CHRM5: variants seen among roughly 807,000 people sequenced by gnomAD.
CHRM5 encodes the protein cholinergic receptor muscarinic 5.
A neutral mutation model predicts 39.0 loss-of-function variants in CHRM5; 18 were observed. That is an observed-to-expected ratio of 0.46 (90% CI 0.32 to 0.68). The LOEUF is 0.68. CHRM5 is among the 30% of genes least tolerant of loss of function. The pLI, the probability that CHRM5 is intolerant of heterozygous loss-of-function variation, is 0.04. For synonymous variants in CHRM5, 241 were observed against 246.3 expected (o/e 0.98, Z 0.20); for missense variants, 515 against 651.1 (o/e 0.79, Z 2.28).
rs1428175381 is a variant in CHRM5 at position 34,065,113 on chromosome 15, A to C, written c.*797A>C. 1 of 164,542 alleles carries C rather than the reference A, an allele frequency of 6.1e-6. No individual in the cohort carries two copies. The allele number at this position is 164,542 out of a possible 1,614,324, so 10.2% of individuals were successfully genotyped here. A position where few individuals can be genotyped will look rare whatever the true frequency, so the allele number is the denominator to read the frequency against. On this transcript the variant is annotated 3_prime_UTR_variant, in exon 3 of 3. Coordinates refer to ENST00000383263, the MANE Select transcript of CHRM5 (RefSeq NM_012125.4). ...ACAGTCAGTTATTTTAGTTTTTGCC[A>C]GTGGAAATTTTTTCTTTTATCTAAA...
chr15:34,057,138 T>G (rs1389116252), intron 2 of CHRM5, among the ~76,000 whole-genome samples: 1 of 51,730 alleles, frequency 1.9e-5, no homozygotes, highest in Non-Finnish European at 9.8e-5. Context: ...TTTGGTTTTT[T>G]TTGGTTTTTT....
In CHRM5 at chr15:34,063,522, G is replaced by A; in HGVS notation, c.805G>A (p.Ala269Thr). 6.2e-7 allele frequency: 1 copy of A among 1,613,674 alleles called. No individual in the cohort carries two copies. The highest frequency in any genetic ancestry group is 8.5e-7 in the Non-Finnish European group (1 of 1,180,026). Residue 269 changes from alanine (A) to threonine (T), a missense_variant, in exon 3 of 3, where the codon GCC becomes ACC. Physicochemically the swap from Ala to Thr is moderately conservative, Grantham distance 58. Transcript: ENST00000383263. The surrounding 1 kb of genome is among the most constrained non-coding windows in gnomAD (Gnocchi z 4.1). ...CCTGGCCCAGCGGGAAAGGAACCAGGCCTCCTGGTCATCCTCCCGCAGGAG... is the reference window on the plus strand; with the variant it reads ...CCTGGCCCAGCGGGAAAGGAACCAGACCTCCTGGTCATCCTCCCGCAGGAG... ...PTLAQRERNQ[A>T]SWSSSRRSTS...
At chr15:34,020,433 A>G (rs1490427852) in intron 1 of CHRM5, among the ~76,000 whole-genome samples, 2 of 152,232 alleles carry the variant, frequency 1.3e-5, no homozygotes, top group Non-Finnish European at 2.9e-5. Context: ...GCAAATTAGA[A>G]ATTTGGTTGA....
chr15:34,063,586 CAA>C lies in CHRM5; in HGVS notation c.870_871del (p.Ser291ArgfsTer7). The stretch of plus-strand genomic sequence containing the variant: ...GGGAAGCCATCCCAAGCCACTGGCC[CAA>C]GCGCCAATTGGGCCAAAGCTGAGCA... On this transcript the variant is annotated frameshift_variant, in exon 3 of 3. Coordinates refer to ENST00000383263, the MANE Select transcript of CHRM5 (RefSeq NM_012125.4). LOFTEE classifies it high-confidence loss of function. This position sits in a 1 kb window ranked among gnomAD's most constrained non-coding sequence, Gnocchi z 4.1. The C allele has an allele frequency of 1.2e-6, 2 of 1,613,846 alleles. No homozygotes were observed. The highest frequency in any genetic ancestry group is 1.7e-6 in the Non-Finnish European group (2 of 1,180,024).
chr15:34,044,145 T>A (rs1899594405), intron 1 of CHRM5, among the ~76,000 whole-genome samples: 1 of 151,928 alleles, frequency 6.6e-6, no homozygotes, highest in African/African-American at 2.4e-5. Context: ...AACTTCTGCA[T>A]CATTTCTCTA....
At chr15:34,041,947 T>C (rs1899492518) in intron 1 of CHRM5, among the ~76,000 whole-genome samples, 1 of 152,220 alleles carries the variant, frequency 6.6e-6, no homozygotes, top group Admixed American at 6.5e-5. Context: ...ATCTGTTCAT[T>C]CAAGGCGTAT....
At chr15:33,992,325 G>C (rs981560205) in intron 1 of CHRM5, among the ~76,000 whole-genome samples, 1 of 151,932 alleles carries the variant, frequency 6.6e-6, no homozygotes, top group African/African-American at 2.4e-5. Context: ...GGGGGGCGGA[G>C]CTTGCAGTGA....
At chr15:33,988,502 A>G (rs559209198) in intron 1 of CHRM5, among the ~76,000 whole-genome samples, 1 of 152,330 alleles carries the variant, frequency 6.6e-6, no homozygotes, top group South Asian at 2.1e-4. Flanking sequence ...CGTGTAACAC[A>G]TCTCACACAC....
intron 1 of CHRM5, among the ~76,000 whole-genome samples, chr15:33,989,422 T>C (rs8042524): frequency 0.22 from 32,984 of 151,192 alleles, 4,080 homozygotes; most frequent in Middle Eastern, 0.41. Flanking sequence ...GGAGGTATTA[T>C]TTCTAACAGC....
chr15:34,019,164 A>G (rs1283319272), intron 1 of CHRM5, among the ~76,000 whole-genome samples: 1 of 152,234 alleles, frequency 6.6e-6, no homozygotes, highest in Non-Finnish European at 1.5e-5. Flanking sequence ...CAACCCAGTA[A>G]GTCCAGCTGG....
chr15:34,005,118 T>C (rs1814964874), intron 1 of CHRM5, among the ~76,000 whole-genome samples: 1 of 152,120 alleles, frequency 6.6e-6, no homozygotes, highest in African/African-American at 2.4e-5. Context: ...TACACATACT[T>C]CCAGATCTTT....
At chr15:33,970,212 C>T (rs1402755270) in intron 1 of CHRM5, among the ~76,000 whole-genome samples, 2 of 151,924 alleles carry the variant, frequency 1.3e-5, no homozygotes, top group African/African-American at 2.4e-5. Flanking sequence ...TAGAAATTCT[C>T]TTCCATTTCA....
intron 2 of CHRM5, among the ~76,000 whole-genome samples, chr15:34,057,660 T>A (rs1900206350): frequency 6.6e-6 from 1 of 152,142 alleles, no homozygotes; most frequent in Non-Finnish European, 1.5e-5. Flanking sequence ...AGCCATATGT[T>A]GTAGCCCACA....
At chr15:34,025,194 G>A (rs1293332834) in intron 1 of CHRM5, among the ~76,000 whole-genome samples, 2 of 152,132 alleles carry the variant, frequency 1.3e-5, no homozygotes, top group East Asian at 1.9e-4. Flanking sequence ...CATTTGAGGT[G>A]AGCATGTGAA....
In CHRM5 at chr15:34,062,755, A is replaced by G. The variant is rs767530640; in HGVS notation, c.38A>G (p.Asn13Ser). 24 of 1,613,574 alleles carry G rather than the reference A, an allele frequency of 1.5e-5. No homozygotes were observed. Among genetic ancestry groups the G allele is most frequent in the Non-Finnish European group, 1.9e-5 (23 of 1,179,714 alleles). The change falls in exon 3 of 3, where the codon AAT becomes AGT. Residue 13 changes from asparagine to serine, a missense_variant. Physicochemically the swap from Asn to Ser is conservative, Grantham distance 46. Coordinates refer to ENST00000383263, the MANE Select transcript of CHRM5 (RefSeq NM_012125.4). ...GDSYHNATTV[N>S]GTPVNHQPLE... Reference sequence around the variant, plus strand: ...TCTTACCACAATGCAACCACCGTCAATGGCACCCCAGTAAATCACCAGCCT... The same window carrying G: ...TCTTACCACAATGCAACCACCGTCAGTGGCACCCCAGTAAATCACCAGCCT...
intron 1 of CHRM5, among the ~76,000 whole-genome samples, chr15:34,011,055 G>A (rs980072385): frequency 1.3e-5 from 2 of 152,082 alleles, no homozygotes; most frequent in African/African-American, 4.8e-5. Flanking sequence ...GGCCGGGCAT[G>A]GTGGCTCATT....
intron 2 of CHRM5, among the ~76,000 whole-genome samples, chr15:34,055,467 T>G (rs1900103934): frequency 6.6e-6 from 1 of 151,782 alleles, no homozygotes. Flanking sequence ...ATCACGCCAC[T>G]GCATTCCAGC....
intron 1 of CHRM5, among the ~76,000 whole-genome samples, chr15:33,988,774 G>A (rs191066963): frequency 6.4e-4 from 98 of 152,310 alleles, no homozygotes; most frequent in Admixed American, 2.6e-3. Flanking sequence ...CTTGATAAAT[G>A]ACCTTGCTCT....
intron 1 of CHRM5, chr15:34,038,998 G>T (rs1899326378): frequency 8.9e-7 from 1 of 1,118,982 alleles, no homozygotes. Context: ...GGCCGGCCGC[G>T]GCCTGGCCGC....
Sources: gnomAD v4.1 joint callset for allele counts (sites outside exome capture counted in the v4.1 genomes callset) on GRCh38, gnomAD v4.1.1 for gene constraint, Gnocchi (gnomAD v3.1) non-coding constraint, MANE v1.5 for transcripts, NCBI Gene and HGNC (gene_info 2026-07-23, HGNC 2026-07-21) for gene names.